NIPSNAP2: variants seen among roughly 807,000 people sequenced by gnomAD.
NIPSNAP2 encodes protein NipSnap homolog 2.
A neutral mutation model predicts 48.4 loss-of-function variants in NIPSNAP2; 42 were observed. The observed-to-expected ratio is 0.87, with a 90% CI of 0.68 to 1.12. NIPSNAP2 has a LOEUF of 1.12. Ranked by LOEUF, NIPSNAP2 falls within the 50% of genes most tolerant of loss-of-function variation. NIPSNAP2 has a pLI of 0.00. For synonymous variants in NIPSNAP2, 158 were observed against 126.6 expected (o/e 1.25, Z -1.67); for missense variants, 314 against 347.3 (o/e 0.90, Z 0.76).
Position 55,978,126 on chromosome 7 carries a change from G to A in NIPSNAP2, c.93G>A (p.Arg31=), listed in dbSNP as rs769429557. 1 of 1,614,012 alleles carries A rather than the reference G, an allele frequency of 6.2e-7. No homozygotes were observed. The highest frequency in any genetic ancestry group is 8.5e-7 in the Non-Finnish European group (1 of 1,179,968). ...AAPCSLLPRL[R]TWTSSSNRSR... is the part of the protein sequence containing the mutation. ...TGACAACACCTTTGTTATTCCATAG[G>A]ACATGGACATCTTCCAGCAACAGAT... Residue 31 remains arginine, a splice_region_variant and synonymous_variant, in exon 2 of 10, where the codon CGG becomes CGA. Coordinates refer to ENST00000322090, the MANE Select transcript of NIPSNAP2 (RefSeq NM_001483.3).
At chr7:55,971,797 C>T (rs773459605) in intron 1 of NIPSNAP2, among the ~76,000 whole-genome samples, 1 of 151,964 alleles carries the variant, frequency 6.6e-6, no homozygotes, top group African/African-American at 2.4e-5. Flanking sequence ...ATATGTTTGC[C>T]TCTGTATTTC....
chr7:55,987,962 C>A (rs1300045982), intron 7 of NIPSNAP2, among the ~76,000 whole-genome samples: 1 of 151,916 alleles, frequency 6.6e-6, no homozygotes, highest in Non-Finnish European at 1.5e-5. Flanking sequence ...TTTTTTACCA[C>A]AATAAAAAAT....
At chr7:55,977,331 C>CA (rs910335001) in intron 1 of NIPSNAP2, among the ~76,000 whole-genome samples, 20 of 152,044 alleles carry the variant, frequency 1.3e-4, no homozygotes, top group African/African-American at 4.6e-4. Context: ...GCGGAGGTTG[C>CA]AGTGAGCCCA....
chr7:55,990,565 A>C (rs1226578468), intron 7 of NIPSNAP2, among the ~76,000 whole-genome samples: 3 of 151,644 alleles, frequency 2.0e-5, no homozygotes, highest in Non-Finnish European at 4.4e-5. Flanking sequence ...GTGTGTGTTT[A>C]TTTCTTTGAA....
intron 7 of NIPSNAP2, among the ~76,000 whole-genome samples, chr7:55,986,983 TAAAAAAAA>T (rs71561981): frequency 9.1e-5 from 5 of 54,800 alleles, no homozygotes; most frequent in Admixed American, 4.8e-4. Flanking sequence ...CCTGTCTCTA[TAAAAAAAA>T]AAAAAAAAAA....
At chr7:55,969,195 A>G (rs936342722) in intron 1 of NIPSNAP2, among the ~76,000 whole-genome samples, 1 of 152,156 alleles carries the variant, frequency 6.6e-6, no homozygotes, top group Non-Finnish European at 1.5e-5. Context: ...TGGAAATGAA[A>G]GGTGTGGGAA....
chr7:55,978,538 T>C, intron 3 of NIPSNAP2, 143 bp downstream of exon 3: 1 of 765,950 alleles, frequency 1.3e-6, no homozygotes, highest in Non-Finnish European at 2.1e-6. Flanking sequence ...TAAACTGAGC[T>C]TCATGTGGGA....
intron 5 of NIPSNAP2, 58 bp downstream of exon 5, chr7:55,982,338 T>G (rs1348675018): frequency 1.0e-6 from 1 of 1,003,456 alleles, no homozygotes; most frequent in Admixed American, 2.4e-5. Flanking sequence ...TAGTACAGAA[T>G]TAAATGACTT....
intron 1 of NIPSNAP2, among the ~76,000 whole-genome samples, chr7:55,972,382 C>T (rs1324099792): frequency 1.3e-5 from 2 of 150,498 alleles, no homozygotes; most frequent in Non-Finnish European, 3.0e-5. Flanking sequence ...TTGTGTATCA[C>T]TAATTTTATA....
chr7:55,982,281 G>T lies in NIPSNAP2; in HGVS notation c.444+1G>T, dbSNP rs777259811. 1.1e-5 allele frequency: 17 copies of T among 1,568,834 alleles called. No individual in the cohort carries two copies. Among genetic ancestry groups the T allele is most frequent in the African/African-American group, 2.7e-5 (2 of 73,980 alleles). On this transcript the variant is annotated splice_donor_variant, in intron 5 of 9. Transcript: ENST00000322090. LOFTEE classifies it high-confidence loss of function. ...CATGAATAAACTCAGAGAAAATAAG[G>T]TAATGATATTGAAAAATGTTTACTT...
chr7:55,988,503 G>A (rs541647112), intron 7 of NIPSNAP2, among the ~76,000 whole-genome samples: 30 of 152,160 alleles, frequency 2.0e-4, no homozygotes, highest in Admixed American at 5.2e-4. Flanking sequence ...GGACCCTTCC[G>A]ATATTGCTGA....
intron 3 of NIPSNAP2, 176 bp downstream of exon 3, chr7:55,978,571 A>G (rs936884838): frequency 1.6e-6 from 1 of 609,020 alleles, no homozygotes; most frequent in South Asian, 2.1e-5. Flanking sequence ...TTTTGATTTT[A>G]AGCACTCACA....
chr7:55,986,368 A>C (rs1787330339), intron 7 of NIPSNAP2, among the ~76,000 whole-genome samples: 1 of 152,050 alleles, frequency 6.6e-6, no homozygotes, highest in South Asian at 2.1e-4. Flanking sequence ...GTCTCAAAAA[A>C]ATAAAAAATT....
intron 1 of NIPSNAP2, among the ~76,000 whole-genome samples, chr7:55,971,278 C>A (rs536794724): frequency 6.6e-6 from 1 of 152,144 alleles, no homozygotes; most frequent in Non-Finnish European, 1.5e-5. Context: ...GGGGGTAGTA[C>A]TGGCCGGCTT....
At chr7:55,974,265 AAAGAAAG>A (rs1562762408) in intron 1 of NIPSNAP2, among the ~76,000 whole-genome samples, 1 of 100,814 alleles carries the variant, frequency 9.9e-6, no homozygotes. Context: ...AAGCAAAAAA[AAAGAAAG>A]AAAGAAAGAA....
At chr7:55,969,428 G>A (rs1786967549) in intron 1 of NIPSNAP2, among the ~76,000 whole-genome samples, 2 of 152,266 alleles carry the variant, frequency 1.3e-5, no homozygotes, top group African/African-American at 4.8e-5. Flanking sequence ...CCTTCCATGG[G>A]TATCTACCTG....
intron 3 of NIPSNAP2, 88 bp from the exon 4 acceptor site, chr7:55,981,385 G>C: frequency 1.2e-6 from 1 of 826,732 alleles, no homozygotes; most frequent in Non-Finnish European, 2.1e-6. Flanking sequence ...CAGAGTAGGT[G>C]GTCTTTTTCC....
chr7:55,991,893 G>C, intron 7 of NIPSNAP2: 1 of 228,220 alleles, frequency 4.4e-6, no homozygotes, highest in Non-Finnish European at 9.0e-6. Context: ...AGGCAAGTAT[G>C]TTTTGTTTGC....
At position 55,964,678 on chromosome 7, in the gene NIPSNAP2, C is replaced by G; in HGVS notation, c.69C>G (p.Pro23=). Residue 23 remains proline (P), a synonymous_variant, in exon 1 of 10, where the codon CCC becomes CCG. Coordinates refer to ENST00000322090, the MANE Select transcript of NIPSNAP2 (RefSeq NM_001483.3). Reference sequence around the variant, plus strand: ...GCGGCCTCCTGCAGCGGGCGGCCCCCTGCAGCCTCCTGCCCAGGCTCCGGT... The same window carrying G: ...GCGGCCTCCTGCAGCGGGCGGCCCCGTGCAGCCTCCTGCCCAGGCTCCGGT... ...WAGGLLQRAA[P]CSLLPRLRTW... The G allele has an allele frequency of 8.9e-7, 1 of 1,122,174 alleles. No individual in the cohort carries two copies. The highest frequency in any genetic ancestry group is 1.1e-6 in the Non-Finnish European group (1 of 917,966). The allele number at this position is 1,122,174 out of a possible 1,614,324, so 69.5% of individuals were successfully genotyped here.
Sources: gnomAD v4.1 joint callset for allele counts (sites outside exome capture counted in the v4.1 genomes callset) on GRCh38, gnomAD v4.1.1 for gene constraint, MANE v1.5 for transcripts, NCBI Gene and HGNC (gene_info 2026-07-23, HGNC 2026-07-21) for gene names.